POMK: variants seen among roughly 807,000 people sequenced by gnomAD.
The protein encoded by POMK is protein O-mannose kinase.
In POMK, 19 loss-of-function variants were observed where a neutral mutation model predicts 23.0. The observed-to-expected ratio is 0.83, with a 90% CI of 0.58 to 1.21. The LOEUF (loss-of-function observed/expected upper bound fraction) is 1.21. Ranked by LOEUF, POMK falls within the 50% of genes most tolerant of loss-of-function variation. The probability of loss-of-function intolerance (pLI) is 0.00; values close to 1 mark genes in which losing one functional copy is unlikely to be tolerated. For missense variants in POMK, 410 were observed against 431.3 expected, an observed-to-expected ratio of 0.95 and a Z score of 0.44; for synonymous variants, 173 against 171.6, an observed-to-expected ratio of 1.01 and a Z score of -0.06.
chr8:43,095,545 C>G (rs1811316683), intron 1 of POMK, among the ~76,000 whole-genome samples: 1 of 151,968 alleles, frequency 6.6e-6, no homozygotes, highest in Non-Finnish European at 1.5e-5. Flanking sequence ...TTCTAGAGTC[C>G]CACAGAGTTT....
chr8:43,111,878 A>T (rs1250227843), intron 4 of POMK, among the ~76,000 whole-genome samples: 1 of 152,240 alleles, frequency 6.6e-6, no homozygotes, highest in Non-Finnish European at 1.5e-5. Context: ...TTAGAAGGAA[A>T]ACTAACAAAC....
In POMK at chr8:43,103,805, G is replaced by C. The variant is rs201095843; in HGVS notation, c.257G>C (p.Arg86Pro). 1 of 1,614,112 alleles carries C rather than the reference G, an allele frequency of 6.2e-7. No homozygotes were observed. The highest frequency in any genetic ancestry group is 1.3e-5 in the African/African-American group (1 of 74,948). ...AGAACAGAAGTGAGACAGCTGAAGC[G>C]TGTTGGGGAAGGAGCTGTAAAGAGA... The part of the protein sequence containing the change: ...ELRTEVRQLK[R>P]VGEGAVKRVF... The change falls in exon 4 of 5, where the codon CGT (arginine) becomes CCT (proline). Residue 86 changes from arginine to proline, a missense_variant. Coordinates refer to ENST00000331373, the MANE Select transcript of POMK (RefSeq NM_032237.5).
chr8:43,122,477 C>A lies in POMK; in HGVS notation c.653C>A (p.Thr218Lys), dbSNP rs761707112. ...AAGACACTGTCCCAGTATCTGCTAA[C>A]AAGCAACTTCAGCATTTTGGCAAAT... ...LPKTLSQYLLTSNFSILANDL... is the reference protein window; with the variant it reads ...LPKTLSQYLLKSNFSILANDL... Residue 218 changes from threonine (T) to lysine (K), a missense_variant, in exon 5 of 5, where the codon ACA (threonine) becomes AAA (lysine). Coordinates refer to ENST00000331373, the MANE Select transcript of POMK (RefSeq NM_032237.5). 1.2e-6 allele frequency: 2 copies of A among 1,614,142 alleles called. No homozygotes were observed. The highest frequency in any genetic ancestry group is 1.7e-6 in the Non-Finnish European group (2 of 1,180,022).
At chr8:43,111,635 C>G (rs1231713423) in intron 4 of POMK, among the ~76,000 whole-genome samples, 1 of 152,192 alleles carries the variant, frequency 6.6e-6, no homozygotes, top group Non-Finnish European at 1.5e-5. Flanking sequence ...CAAGTGGGTC[C>G]CTGACCCCCG....
At chr8:43,112,980 C>T (rs1368365690) in intron 4 of POMK, among the ~76,000 whole-genome samples, 3 of 152,184 alleles carry the variant, frequency 2.0e-5, no homozygotes, top group African/African-American at 4.8e-5. Context: ...TAAAGACCAT[C>T]AAGGCTAGGA....
chr8:43,108,503 TA>T (rs1811588641), intron 4 of POMK, among the ~76,000 whole-genome samples: 1 of 152,242 alleles, frequency 6.6e-6, no homozygotes, highest in South Asian at 2.1e-4. Flanking sequence ...GAGTGTACTT[TA>T]CTCAGTTGCT....
In POMK at chr8:43,123,057, AT is replaced by A. The variant is rs370821504; in HGVS notation, c.*193del. ...GTATGTAGTCCACATTGGTTGTTAG[AT>A]TTTTTTTTTTTTCTTTGAGATGCGG... On this transcript the variant is annotated 3_prime_UTR_variant, in exon 5 of 5. Transcript: ENST00000331373. The A allele has an allele frequency of 0.12, 52,762 of 439,816 alleles. 406 individuals are homozygous for A. The highest frequency in any genetic ancestry group is 0.15 in the African/African-American group (7,264 of 48,186). The allele number at this position is 439,816 out of a possible 1,614,324, so 27.2% of individuals were successfully genotyped here. A position where few individuals can be genotyped will look rare whatever the true frequency, so the allele number is the denominator to read the frequency against.
At chr8:43,106,497 G>A (rs1278162222) in intron 4 of POMK, among the ~76,000 whole-genome samples, 2 of 146,170 alleles carry the variant, frequency 1.4e-5, no homozygotes, top group African/African-American at 5.0e-5. Context: ...TAATCCCATT[G>A]GTTTACTTTT....
chr8:43,106,003 T>C (rs1811536358), intron 4 of POMK, among the ~76,000 whole-genome samples: 1 of 152,230 alleles, frequency 6.6e-6, no homozygotes, highest in Admixed American at 6.5e-5. Flanking sequence ...CCTTTGGATA[T>C]ATACCCAGTA....
At chr8:43,099,704 CAG>C (rs1344623947) in intron 2 of POMK, among the ~76,000 whole-genome samples, 4 of 152,138 alleles carry the variant, frequency 2.6e-5, no homozygotes, top group African/African-American at 9.7e-5. Context: ...AATGAGAGGA[CAG>C]AGCTGGGCGT....
chr8:43,099,037 C>T (rs1317694008), intron 2 of POMK, among the ~76,000 whole-genome samples: 1 of 152,216 alleles, frequency 6.6e-6, no homozygotes, highest in Non-Finnish European at 1.5e-5. Flanking sequence ...GCCTTGGTCT[C>T]CTGGACTCAA....
chr8:43,102,077 T>A (rs956225871), intron 2 of POMK, among the ~76,000 whole-genome samples: 6 of 152,062 alleles, frequency 3.9e-5, no homozygotes, highest in African/African-American at 1.5e-4. Context: ...ACAGTTACTC[T>A]CTATCTTTGA....
intron 4 of POMK, among the ~76,000 whole-genome samples, chr8:43,120,652 A>G (rs1386576487): frequency 6.7e-6 from 1 of 149,896 alleles, no homozygotes; most frequent in Non-Finnish European, 1.5e-5. Context: ...ACGCTCCATT[A>G]CACCCTGCTT....
rs545911307 is a variant in POMK at position 43,112,935 on chromosome 8, A to C, written c.282+9105A>C. ...GGAAGCGCTAAACATGGAAAGGAAC[A>C]ACCGGTACCAGCCACTGCAAAATCA... On this transcript the variant is annotated intron_variant, in intron 4 of 4. Transcript: ENST00000331373. Among the ~76,000 whole-genome samples, 384 of 152,356 alleles carry C rather than the reference A, an allele frequency of 2.5e-3. 2 individuals carry two copies. The highest frequency in any genetic ancestry group is 0.011 in the South Asian group (53 of 4,828).
At chr8:43,114,710 G>A (rs540290501) in intron 4 of POMK, among the ~76,000 whole-genome samples, 127 of 152,274 alleles carry the variant, frequency 8.3e-4, no homozygotes, top group African/African-American at 2.6e-3. Context: ...CGTCGCTCAC[G>A]CTGGGAGCTG....
chr8:43,118,079 T>C lies in POMK; in HGVS notation c.283-4028T>C, dbSNP rs1811833459. Among the ~76,000 whole-genome samples the C allele has an allele frequency of 4.6e-5, 7 of 152,306 alleles. No homozygotes were observed. In the South Asian group the frequency reaches 1.5e-3, roughly 32 times the overall value. ...ATAATAATCTTAAGAAAGAATCCAG[T>C]CTATTTTGACAGCATCAATTCCAAA... On this transcript the variant is annotated intron_variant, in intron 4 of 4. Transcript: ENST00000331373.
chr8:43,110,922 A>G (rs542671302), intron 4 of POMK, among the ~76,000 whole-genome samples: 1 of 149,698 alleles, frequency 6.7e-6, no homozygotes, highest in African/African-American at 2.4e-5. Context: ...CTCCGTCTTA[A>G]AAAAAAAAAG....
chr8:43,099,877 A>G (rs890716632), intron 2 of POMK, among the ~76,000 whole-genome samples: 1 of 152,208 alleles, frequency 6.6e-6, no homozygotes, highest in African/African-American at 2.4e-5. Flanking sequence ...TTAGATGATC[A>G]GCTGAGAGTG....
chr8:43,111,064 G>A (rs11989623), intron 4 of POMK, among the ~76,000 whole-genome samples: 4,902 of 152,206 alleles, frequency 0.032, 277 homozygotes, highest in African/African-American at 0.11. Flanking sequence ...GGGGAGTGCC[G>A]GACAGTGGGT....
Sources: allele counts gnomAD v4.1 joint callset (sites outside exome capture counted in the v4.1 genomes callset), GRCh38; gene constraint gnomAD v4.1.1; transcripts MANE v1.5; gene names NCBI Gene and HGNC (gene_info 2026-07-23, HGNC 2026-07-21).